The following CFTR variants were observed in gnomAD, a reference collection of about 807,000 sequenced individuals.
CFTR encodes the protein cystic fibrosis transmembrane conductance regulator.
A neutral mutation model predicts 171.6 loss-of-function variants in CFTR; 181 were observed. The observed-to-expected ratio is 1.05, with a 90% CI of 0.93 to 1.19. CFTR has a LOEUF of 1.19. CFTR is among the 50% of genes most tolerant of loss of function. CFTR has a pLI of 0.00. For synonymous variants in CFTR, 583 were observed against 608.0 expected (o/e 0.96, Z 0.60); for missense variants, 1,968 against 1,734.7 (o/e 1.13, Z -2.39).
intron 11 of CFTR, among the ~76,000 whole-genome samples, chr7:117,585,902 T>G (rs1221665233): frequency 6.6e-6 from 1 of 152,110 alleles, no homozygotes; most frequent in Non-Finnish European, 1.5e-5. Context: ...CCACCCAGCA[T>G]CCTGAAGTGC....
chr7:117,494,164 A>G (rs1798203293), intron 1 of CFTR, among the ~76,000 whole-genome samples: 2 of 152,152 alleles, frequency 1.3e-5, no homozygotes, highest in Non-Finnish European at 2.9e-5. Context: ...TCATCTTAGA[A>G]CATTTTTGAG....
chr7:117,631,771 G>C (rs531084018), intron 22 of CFTR, among the ~76,000 whole-genome samples: 19 of 152,280 alleles, frequency 1.2e-4, no homozygotes, highest in Non-Finnish European at 2.1e-4. Context: ...TAAGTAAACT[G>C]TTACCCTGAG....
rs542316173 is a variant in CFTR at position 117,657,525 on chromosome 7, G to A, written c.3963+4594G>A. On this transcript the variant is annotated intron_variant, in intron 24 of 26. Transcript: ENST00000003084. ...CTAGAGAAGCAGAAAAGGCATTTGG[G>A]TTTCAAAGTCACAAGGCCTAGGCTT... Among the ~76,000 whole-genome samples the A allele has an allele frequency of 1.9e-4, 29 of 152,256 alleles. No homozygotes were observed. The South Asian group carries it at 5.4e-3, about 28-fold the overall frequency.
At chr7:117,582,569 G>C (rs1791864921) in intron 11 of CFTR, among the ~76,000 whole-genome samples, 2 of 152,044 alleles carry the variant, frequency 1.3e-5, no homozygotes, top group Non-Finnish European at 2.9e-5. Context: ...GGAGAGTACT[G>C]TCTCTTATCA....
chr7:117,490,212 C>T, intron 1 of CFTR, among the ~76,000 whole-genome samples: 1 of 151,512 alleles, frequency 6.6e-6, no homozygotes, highest in South Asian at 2.1e-4. Flanking sequence ...AATGAGTTAT[C>T]CTTATCTTTA....
At chr7:117,491,925 G>A (rs1031721954) in intron 1 of CFTR, among the ~76,000 whole-genome samples, 6 of 151,962 alleles carry the variant, frequency 3.9e-5, no homozygotes, top group African/African-American at 1.5e-4. Context: ...ATACATGTAG[G>A]GAGTTAATCT....
Position 117,535,046 on chromosome 7 carries a change from G to C in CFTR, c.580-202G>C, listed in dbSNP as rs17140095. On this transcript the variant is annotated intron_variant, in intron 5 of 26. Transcript: ENST00000003084. Reference sequence around the variant, plus strand: ...GCACTGACTTGAAATTTGTTTTTTGGGAAAACCGATTCTATGTGTAGAATG... The same window carrying C: ...GCACTGACTTGAAATTTGTTTTTTGCGAAAACCGATTCTATGTGTAGAATG... 0.015 allele frequency among the ~76,000 whole-genome samples: 2,239 copies of C among 152,192 alleles called. 57 individuals carry two copies. The highest frequency in any genetic ancestry group is 0.051 in the African/African-American group (2,127 of 41,504).
At chr7:117,561,497 A>T (rs978029283) in intron 11 of CFTR, among the ~76,000 whole-genome samples, 7 of 152,064 alleles carry the variant, frequency 4.6e-5, no homozygotes, top group Non-Finnish European at 8.8e-5. Context: ...TCCAGCTTTA[A>T]ACAATCACCC....
rs762847468 is a variant in CFTR at position 117,666,942 on chromosome 7, C to A, written c.4277C>A (p.Ser1426Tyr). The change falls in exon 27 of 27, where the codon TCC becomes TAC. Residue 1426 changes from serine (S) to tyrosine (Y), a missense_variant. Ser to Tyr is a moderately radical substitution (Grantham distance 144). Coordinates refer to ENST00000003084, the MANE Select transcript of CFTR (RefSeq NM_000492.4). Reference protein sequence around the residue: ...IEENKVRQYDSIQKLLNERSL... With the variant: ...IEENKVRQYDYIQKLLNERSL... ...GAGAACAAAGTGCGGCAGTACGATT[C>A]CATCCAGAAACTGCTGAACGAGAGG... 3 of 1,614,026 alleles carry A rather than the reference C, an allele frequency of 1.9e-6. No homozygotes were observed. Among genetic ancestry groups the A allele is most frequent in the Admixed American group, 1.7e-5 (1 of 59,978 alleles).
chr7:117,556,306 G>A (rs1447025338), intron 10 of CFTR, among the ~76,000 whole-genome samples: 1 of 151,782 alleles, frequency 6.6e-6, no homozygotes, highest in African/African-American at 2.4e-5. Context: ...CTCATGATCT[G>A]CCTGCCTCGG....
At chr7:117,494,637 T>G (rs1015477124) in intron 1 of CFTR, among the ~76,000 whole-genome samples, 5 of 152,240 alleles carry the variant, frequency 3.3e-5, no homozygotes, top group Middle Eastern at 6.8e-3. Flanking sequence ...AGTATTTACT[T>G]TGGGTCCTAG....
At chr7:117,508,382 A>G (rs1352746287) in intron 2 of CFTR, among the ~76,000 whole-genome samples, 3 of 152,250 alleles carry the variant, frequency 2.0e-5, no homozygotes, top group Non-Finnish European at 4.4e-5. Context: ...GATTTCAGCC[A>G]GTTTTCAGAC....
chr7:117,663,320 G>A (rs1365669917), intron 24 of CFTR, among the ~76,000 whole-genome samples: 3 of 152,000 alleles, frequency 2.0e-5, no homozygotes, highest in African/African-American at 7.2e-5. Context: ...TTGAGTCTTC[G>A]GGGATACATC....
rs1439088205 is a variant in CFTR, at chr7:117,668,620, G to A, written c.*1512G>A. 1 of 152,564 alleles carries A rather than the reference G, an allele frequency of 6.6e-6. No individual in the cohort carries two copies. The highest frequency in any genetic ancestry group is 2.1e-4 in the South Asian group (1 of 4,834). 9.5% of individuals were successfully genotyped at this position (152,564 alleles called of 1,614,324 possible). A position where few individuals can be genotyped will look rare whatever the true frequency, so the allele number is the denominator to read the frequency against. On this transcript the variant is annotated 3_prime_UTR_variant, in exon 27 of 27. Transcript: ENST00000003084. ...AGAAGACTGCATTATATTTATTACT[G>A]TAAGAAAATATCACTTGTCAATAAA...
At position 117,610,566 on chromosome 7, in the gene CFTR, A is replaced by G. The variant is rs537934752; in HGVS notation, c.3036A>G (p.Gln1012=). The stretch of plus-strand genomic sequence containing the variant: ...CTATAGCAGTTGTCGCAGTTTTACA[A>G]CCCTACATCTTTGTTGCAACAGTGC... The part of the protein sequence containing the change: ...IGAIAVVAVL[Q]PYIFVATVPV... The change falls in exon 19 of 27, where the codon CAA becomes CAG. Residue 1012 remains glutamine, a synonymous_variant. Coordinates refer to ENST00000003084, the MANE Select transcript of CFTR (RefSeq NM_000492.4). The G allele has an allele frequency of 4.5e-5, 72 of 1,613,116 alleles. No homozygotes were observed. Among genetic ancestry groups the G allele is most frequent in the Non-Finnish European group, 5.8e-5 (69 of 1,179,620 alleles).
chr7:117,635,741 A>T (rs1051567835), intron 22 of CFTR, among the ~76,000 whole-genome samples: 5 of 151,828 alleles, frequency 3.3e-5, no homozygotes, highest in African/African-American at 1.2e-4. Context: ...ATAATAAAAC[A>T]CTCCCAGTTC....
chr7:117,516,869 T>G (rs35388491), intron 3 of CFTR, among the ~76,000 whole-genome samples: 35,031 of 152,058 alleles, frequency 0.23, 4,331 homozygotes, highest in East Asian at 0.42. Flanking sequence ...AGCCATGTGA[T>G]TTTGGGTAGG....
intron 23 of CFTR, among the ~76,000 whole-genome samples, chr7:117,648,928 A>G (rs1421182322): frequency 6.6e-6 from 1 of 152,072 alleles, no homozygotes; most frequent in Non-Finnish European, 1.5e-5. Context: ...TGCTTACTTC[A>G]GTATCTAACA....
At chr7:117,516,938 ATTTTTTCTTTTTC>A (rs1323306816) in intron 3 of CFTR, among the ~76,000 whole-genome samples, 5 of 151,808 alleles carry the variant, frequency 3.3e-5, no homozygotes, top group African/African-American at 1.2e-4. Flanking sequence ...ATGATAGCAC[ATTTTTTCTTTTTC>A]TTTTTTCTTT....
Sources: allele counts gnomAD v4.1 joint callset (sites outside exome capture counted in the v4.1 genomes callset), GRCh38; gene constraint gnomAD v4.1.1; transcripts MANE v1.5; gene names NCBI Gene and HGNC (gene_info 2026-07-23, HGNC 2026-07-21).